SMCO4: variants seen among roughly 807,000 people sequenced by gnomAD.
SMCO4 encodes the protein single-pass membrane protein with coiled-coil domains 4.
A neutral mutation model predicts 3.6 loss-of-function variants in SMCO4; 4 were observed. That is an observed-to-expected ratio of 1.11 (90% CI 0.54 to 2.53). The LOEUF (loss-of-function observed/expected upper bound fraction) is 2.53. SMCO4 is among the 30% of genes most tolerant of loss of function. The probability of loss-of-function intolerance (pLI) is 0.02; values close to 1 mark genes in which losing one functional copy is unlikely to be tolerated. For missense variants in SMCO4, 70 were observed against 80.8 expected, an observed-to-expected ratio of 0.87 and a Z score of 0.51; for synonymous variants, 36 against 35.3, an observed-to-expected ratio of 1.02 and a Z score of -0.07.
chr11:93,528,383 A>G (rs935343237), intron 1 of SMCO4, among the ~76,000 whole-genome samples: 6 of 152,230 alleles, frequency 3.9e-5, no homozygotes, highest in African/African-American at 1.2e-4. Flanking sequence ...CAGGTTGAGC[A>G]ACTGGAGACA....
At chr11:93,529,820 CT>C (rs1949146041) in intron 1 of SMCO4, among the ~76,000 whole-genome samples, 1 of 152,238 alleles carries the variant, frequency 6.6e-6, no homozygotes, top group African/African-American at 2.4e-5. Flanking sequence ...GTTCCTTCTT[CT>C]TTTTAATGAC....
At chr11:93,491,866 G>A (rs1948721627) in intron 2 of SMCO4, among the ~76,000 whole-genome samples, 1 of 152,148 alleles carries the variant, frequency 6.6e-6, no homozygotes, top group African/African-American at 2.4e-5. Context: ...TGGGCTAACA[G>A]CCCCTTCTCC....
chr11:93,516,074 G>A (rs1949005304), intron 1 of SMCO4, among the ~76,000 whole-genome samples: 1 of 152,114 alleles, frequency 6.6e-6, no homozygotes, highest in Admixed American at 6.5e-5. Context: ...TGCAATTACT[G>A]CCTTGGATTT....
At chr11:93,519,827 T>C (rs1949041386) in intron 1 of SMCO4, among the ~76,000 whole-genome samples, 2 of 152,232 alleles carry the variant, frequency 1.3e-5, no homozygotes, top group South Asian at 4.1e-4. Flanking sequence ...AGCAAAGTGA[T>C]GGGCTCACCC....
At chr11:93,514,070 T>C (rs979973130) in intron 1 of SMCO4, among the ~76,000 whole-genome samples, 61 of 152,182 alleles carry the variant, frequency 4.0e-4, no homozygotes, top group African/African-American at 1.3e-3. Flanking sequence ...CTGCCTGTCG[T>C]AGGTGCTCAA....
At chr11:93,550,037 G>A in the SMCO4 span, among the ~76,000 whole-genome samples, 2 of 152,076 alleles carry the variant, frequency 1.3e-5, no homozygotes, top group Admixed American at 6.6e-5. Context: ...GCACCAGAGC[G>A]CTACTGAAAA....
chr11:93,542,904 C>G (rs1949282621), intron 1 of SMCO4, among the ~76,000 whole-genome samples: 1 of 152,174 alleles, frequency 6.6e-6, no homozygotes, highest in African/African-American at 2.4e-5. Flanking sequence ...GGCCCAAGCC[C>G]TTTGCACTGC....
chr11:93,489,167 C>T (rs969666644), intron 2 of SMCO4, among the ~76,000 whole-genome samples: 2 of 152,082 alleles, frequency 1.3e-5, no homozygotes, highest in South Asian at 2.1e-4. Flanking sequence ...CTAGTTCTGC[C>T]GTTTATCGGC....
chr11:93,483,289 TGGGC>T (rs1948612763), intron 2 of SMCO4, among the ~76,000 whole-genome samples: 1 of 152,178 alleles, frequency 6.6e-6, no homozygotes, highest in African/African-American at 2.4e-5. Flanking sequence ...CGCCTCCCTC[TGGGC>T]TAAGGATCGC....
intron 1 of SMCO4, among the ~76,000 whole-genome samples, chr11:93,520,757 A>G (rs1949049942): frequency 6.6e-6 from 1 of 152,266 alleles, no homozygotes; most frequent in Non-Finnish European, 1.5e-5. Context: ...CCTGGAAAAG[A>G]GAACTGAACA....
chr11:93,543,976 G>C (rs7125151), upstream of SMCO4, among the ~76,000 whole-genome samples: 81,962 of 151,990 alleles, frequency 0.54, 22,584 homozygotes, highest in Admixed American at 0.64. Flanking sequence ...AAATAAATGA[G>C]ATTCACAATT....
intron 1 of SMCO4, chr11:93,537,847 G>A (rs988977351): frequency 1.3e-5 from 2 of 151,942 alleles, no homozygotes; most frequent in Admixed American, 6.6e-5. Context: ...GTGACTCACC[G>A]GCAGAGACAG....
intron 1 of SMCO4, among the ~76,000 whole-genome samples, chr11:93,532,480 G>A (rs909343822): frequency 2.0e-5 from 3 of 152,178 alleles, no homozygotes; most frequent in Non-Finnish European, 4.4e-5. Context: ...AGACTTGGAC[G>A]GAGTCCCGCT....
rs1226693766 is a variant in SMCO4 at position 93,479,068 on chromosome 11, A to C, written c.122T>G (p.Val41Gly). The C allele has an allele frequency of 6.2e-7, 1 of 1,613,948 alleles. No individual in the cohort carries two copies. Among genetic ancestry groups the C allele is most frequent in the South Asian group, 1.1e-5 (1 of 91,078 alleles). ...CACAAACACCACGATCAAGAGCACGACCACGGCCAGCGTGGGCAGCACCAC... is the reference window on the plus strand; with the variant it reads ...CACAAACACCACGATCAAGAGCACGCCCACGGCCAGCGTGGGCAGCACCAC... Reference protein sequence around the residue: ...TTVVLPTLAVVVLLIVVFVYV... With the variant: ...TTVVLPTLAVGVLLIVVFVYV... Residue 41 changes from valine to glycine, a missense_variant, in exon 3 of 3, where the codon GTC becomes GGC. Physicochemically the swap from Val to Gly is moderately radical, Grantham distance 109 (BLOSUM62 -3). Transcript: ENST00000298966.
intron 2 of SMCO4, among the ~76,000 whole-genome samples, chr11:93,494,154 T>G (rs2134586716): frequency 6.6e-6 from 1 of 152,266 alleles, no homozygotes; most frequent in South Asian, 2.1e-4. Flanking sequence ...ATCTCACATA[T>G]TTTCCCCTTA....
At chr11:93,488,918 C>T (rs548250615) in intron 2 of SMCO4, among the ~76,000 whole-genome samples, 1 of 152,084 alleles carries the variant, frequency 6.6e-6, no homozygotes, top group East Asian at 1.9e-4. Flanking sequence ...ACGATGGTGG[C>T]TTGGAAGGCA....
At position 93,514,335 on chromosome 11, in the gene SMCO4, G is replaced by T. The variant is rs1305392182; in HGVS notation, c.-153-14987C>A. On this transcript the variant is annotated intron_variant, in intron 1 of 2. Coordinates refer to ENST00000298966, the MANE Select transcript of SMCO4 (RefSeq NM_020179.3). ...CAGAAACATTAAGCAGATCTGGGAA[G>T]GAATCAGGAAGACAAAGGAAAAATA... 2.3e-5 allele frequency among the ~76,000 whole-genome samples: 3 copies of T among 130,608 alleles called. No homozygotes were observed. In the East Asian group the frequency reaches 7.5e-4, roughly 33 times the overall value. The allele number at this position is 130,608 out of a possible 152,430, so 85.7% of individuals were successfully genotyped here.
upstream of SMCO4, among the ~76,000 whole-genome samples, chr11:93,545,456 AG>A (rs1325490585): frequency 6.6e-6 from 1 of 151,920 alleles, no homozygotes; most frequent in Non-Finnish European, 1.5e-5. Flanking sequence ...GCGTGGTGGC[AG>A]GCACCTATAA....
chr11:93,479,084 G>A lies in SMCO4; in HGVS notation c.106C>T (p.Pro36Ser). 6.2e-7 allele frequency: 1 copy of A among 1,614,062 alleles called. No individual in the cohort carries two copies. Among genetic ancestry groups the A allele is most frequent in the Non-Finnish European group, 8.5e-7 (1 of 1,180,036 alleles). ...ARQQITTVVL[P>S]TLAVVVLLIV... ...AAGAGCACGACCACGGCCAGCGTGG[G>A]CAGCACCACTGTAGTGATCTGCTGC... The change falls in exon 3 of 3, where the codon CCC becomes TCC. Residue 36 changes from proline (P) to serine (S), a missense_variant. Pro to Ser is a moderately conservative substitution (Grantham distance 74). Coordinates refer to ENST00000298966, the MANE Select transcript of SMCO4 (RefSeq NM_020179.3).
Sources: gnomAD v4.1 joint callset for allele counts (sites outside exome capture counted in the v4.1 genomes callset) on GRCh38, gnomAD v4.1.1 for gene constraint, MANE v1.5 for transcripts, NCBI Gene and HGNC (gene_info 2026-07-23, HGNC 2026-07-21) for gene names.